CTDP1: variants seen among roughly 807,000 people sequenced by gnomAD.
CTDP1 encodes the protein CTD phosphatase 1, also known as RNA polymerase II subunit A C-terminal domain phosphatase.
A neutral mutation model predicts 91.8 loss-of-function variants in CTDP1; 47 were observed. That is an observed-to-expected ratio of 0.51 (90% CI 0.41 to 0.65). The LOEUF (loss-of-function observed/expected upper bound fraction) is 0.65. Among genes scored for constraint, CTDP1 ranks in the 30% least tolerant of loss-of-function variants. The pLI, the probability that CTDP1 is intolerant of heterozygous loss-of-function variation, is 0.00. For synonymous variants in CTDP1, 656 were observed against 598.5 expected, an observed-to-expected ratio of 1.10 and a Z score of -1.40; for missense variants, 1,272 against 1,373.7, an observed-to-expected ratio of 0.93 and a Z score of 1.17.
Position 79,736,455 on chromosome 18 carries a change from G to A in CTDP1, c.2681G>A (p.Arg894His), listed in dbSNP as rs373540065. Reference protein sequence around the residue: ...EEPQPRKPGTRRERTLGAPAS... With the variant: ...EEPQPRKPGTHRERTLGAPAS... ...CCCCAGCCCCGGAAGCCAGGGACCC[G>A]CAGGGAGCGGACGCTCGGGGCACCT... Residue 894 changes from arginine to histidine, a missense_variant, in exon 12 of 13, where the codon CGC (arginine) becomes CAC (histidine). Arg to His is a conservative substitution (Grantham distance 29). This residue lies in a region of CTDP1 where 881 missense variants were observed against 911.6 expected (regional missense o/e 0.97). Coordinates refer to ENST00000613122, the MANE Select transcript of CTDP1 (RefSeq NM_004715.5). 5.2e-5 allele frequency: 81 copies of A among 1,549,012 alleles called. No homozygotes were observed. The highest frequency in any genetic ancestry group is 6.9e-5 in the African/African-American group (5 of 72,986).
At chr18:79,693,215 G>GGGA (rs1358199598) in intron 1 of CTDP1, among the ~76,000 whole-genome samples, 1 of 152,118 alleles carries the variant, frequency 6.6e-6, no homozygotes, top group Admixed American at 6.5e-5. Flanking sequence ...GTGACCGGGA[G>GGGA]GGAGGATGGT....
upstream of CTDP1, chr18:79,677,805 A>G (rs553352): frequency 0.76 from 115,002 of 151,182 alleles, 43,978 homozygotes; most frequent in Middle Eastern, 0.79. Flanking sequence ...GTGTCCTTAC[A>G]GTGTGAACCA....
At chr18:79,728,367 T>G (rs1243617183) in intron 10 of CTDP1, among the ~76,000 whole-genome samples, 1 of 152,234 alleles carries the variant, frequency 6.6e-6, no homozygotes, top group Non-Finnish European at 1.5e-5. Flanking sequence ...CCCAAAGTGC[T>G]GGCTTTACAA....
intron 1 of CTDP1, among the ~76,000 whole-genome samples, chr18:79,688,690 A>G (rs998278096): frequency 6.7e-6 from 1 of 149,514 alleles, no homozygotes; most frequent in Admixed American, 6.7e-5. Flanking sequence ...GTGAGCCATC[A>G]CTCCCAGCCA....
chr18:79,747,907 T>A (rs1030022917), intron 12 of CTDP1, among the ~76,000 whole-genome samples: 1 of 152,206 alleles, frequency 6.6e-6, no homozygotes, highest in Non-Finnish European at 1.5e-5. Flanking sequence ...CGGATATCTT[T>A]CCGGTGCCAA....
At chr18:79,741,812 A>ACT (rs2086783627) in intron 12 of CTDP1, among the ~76,000 whole-genome samples, 1 of 152,236 alleles carries the variant, frequency 6.6e-6, no homozygotes, top group Non-Finnish European at 1.5e-5. Context: ...CTCCACCAGA[A>ACT]ACACTCACAC....
intron 12 of CTDP1, among the ~76,000 whole-genome samples, chr18:79,738,046 G>T (rs1185943010): frequency 1.5e-4 from 5 of 32,596 alleles, no homozygotes. Flanking sequence ...CCTGCTCACC[G>T]CCCCCGGGAG....
intron 12 of CTDP1, among the ~76,000 whole-genome samples, chr18:79,746,679 C>T (rs1288415501): frequency 3.9e-5 from 6 of 152,190 alleles, no homozygotes; most frequent in African/African-American, 9.7e-5. Context: ...TGCAGTGGCA[C>T]GATCATGGCT....
chr18:79,702,772 A>G (rs748701098), intron 4 of CTDP1: 2 of 152,368 alleles, frequency 1.3e-5, no homozygotes, highest in Admixed American at 6.5e-5. Context: ...GAGTGTCAGC[A>G]TGGATTATAT....
At chr18:79,747,517 A>T (rs1199306329) in intron 12 of CTDP1, among the ~76,000 whole-genome samples, 1 of 152,172 alleles carries the variant, frequency 6.6e-6, no homozygotes, top group Non-Finnish European at 1.5e-5. Flanking sequence ...CCTGTGTTGT[A>T]GGTGGTTGGA....
chr18:79,679,472 G>C, upstream of CTDP1: 1 of 456,488 alleles, frequency 2.2e-6, no homozygotes, highest in South Asian at 1.5e-5. Flanking sequence ...GTCTCAGCGC[G>C]TGATGGGGTA....
intron 10 of CTDP1, among the ~76,000 whole-genome samples, chr18:79,723,045 C>T (rs1046968484): frequency 2.6e-5 from 4 of 152,230 alleles, no homozygotes; most frequent in African/African-American, 9.6e-5. Context: ...CGCAATGCCA[C>T]TCCACGTGTG....
At chr18:79,680,304 G>A (rs2085333220) in intron 1 of CTDP1, 43 bp downstream of exon 1, 3 of 1,236,118 alleles carry the variant, frequency 2.4e-6, no homozygotes, top group Admixed American at 4.3e-5. Flanking sequence ...GGGCGGCTCC[G>A]GGGAGGGATC....
In CTDP1 at chr18:79,695,249, A is replaced by G. The variant is rs746265488; in HGVS notation, c.339A>G (p.Gly113=). The change falls in exon 2 of 13, where the codon GGA becomes GGG. Residue 113 remains glycine, a synonymous_variant. Coordinates refer to ENST00000613122, the MANE Select transcript of CTDP1 (RefSeq NM_004715.5). ...GAGCGGTTCTGGTGAGGTTGGAAGG[A>G]TGCAGCCACCCGGTTGTCATGAAAG... ...APGAVLVRLE[G]CSHPVVMKGL... 6.2e-7 allele frequency: 1 copy of G among 1,614,122 alleles called. No individual in the cohort carries two copies. Among genetic ancestry groups the G allele is most frequent in the Non-Finnish European group, 8.5e-7 (1 of 1,180,030 alleles).
chr18:79,681,686 G>A (rs545685371), intron 1 of CTDP1, among the ~76,000 whole-genome samples: 1 of 152,174 alleles, frequency 6.6e-6, no homozygotes, highest in South Asian at 2.1e-4. Flanking sequence ...TGAGATCTTG[G>A]GGTACCTCAC....
chr18:79,734,609 C>T (rs969902195), intron 11 of CTDP1, among the ~76,000 whole-genome samples: 12 of 151,164 alleles, frequency 7.9e-5, no homozygotes, highest in African/African-American at 1.7e-4. Flanking sequence ...CCCTCGGGTC[C>T]GTGGGCTGCC....
At chr18:79,738,815 G>C (rs1020786249) in intron 12 of CTDP1, among the ~76,000 whole-genome samples, 2 of 152,254 alleles carry the variant, frequency 1.3e-5, no homozygotes, top group South Asian at 2.1e-4. Flanking sequence ...AACCCACTCT[G>C]TGTTTACCAC....
rs981563721 is a variant in CTDP1, at chr18:79,714,662, C to G, written c.1202C>G (p.Pro401Arg). 1 of 1,612,006 alleles carries G rather than the reference C, an allele frequency of 6.2e-7. No individual in the cohort carries two copies. The highest frequency in any genetic ancestry group is 8.5e-7 in the Non-Finnish European group (1 of 1,179,568). ...CGGGACTCACCCCGCCCCGGGAAGCCAGACGAGAGGGACATCTGGCCCCCT... is the reference window on the plus strand; with the variant it reads ...CGGGACTCACCCCGCCCCGGGAAGCGAGACGAGAGGGACATCTGGCCCCCT... ...TPRDSPRPGK[P>R]DERDIWPPAQ... is the part of the protein sequence containing the mutation. Residue 401 changes from proline (P) to arginine (R), a missense_variant, in exon 8 of 13, where the codon CCA becomes CGA. Transcript: ENST00000613122.
chr18:79,699,605 T>A (rs1432323474), intron 4 of CTDP1, among the ~76,000 whole-genome samples: 1 of 152,078 alleles, frequency 6.6e-6, no homozygotes, highest in African/African-American at 2.4e-5. Context: ...AACTAGGTAT[T>A]TTGAAGGATG....
Sources: allele counts gnomAD v4.1 joint callset (sites outside exome capture counted in the v4.1 genomes callset), GRCh38; gene constraint gnomAD v4.1.1; regional missense constraint gnomAD v4.1.1; transcripts MANE v1.5; gene names NCBI Gene and HGNC (gene_info 2026-07-23, HGNC 2026-07-21).